PLEKHA3: variants seen among roughly 807,000 people sequenced by gnomAD.
The protein encoded by PLEKHA3 is pleckstrin homology domain containing A3, also known as pleckstrin homology domain-containing family A member 3.
In PLEKHA3, 19 loss-of-function variants were observed where a neutral mutation model predicts 39.2. The ratio of observed to expected loss-of-function variants is 0.48; its 90% CI spans 0.34 to 0.71. The LOEUF is 0.71. PLEKHA3 is among the 30% of genes least tolerant of loss of function. The probability of loss-of-function intolerance (pLI) is 0.01; values close to 1 mark genes in which losing one functional copy is unlikely to be tolerated. For missense variants in PLEKHA3, 253 were observed against 359.5 expected (o/e 0.70, Z 2.40); for synonymous variants, 97 against 118.6 (o/e 0.82, Z 1.18).
intron 1 of PLEKHA3, chr2:178,481,846 G>GC (rs1685170201): frequency 6.9e-6 from 1 of 144,916 alleles, no homozygotes; most frequent in Non-Finnish European, 1.5e-5. Flanking sequence ...ATTTTTTGGG[G>GC]GGGGGGGGTC....
chr2:178,496,260 T>C (rs1685444993), intron 5 of PLEKHA3, among the ~76,000 whole-genome samples: 1 of 152,212 alleles, frequency 6.6e-6, no homozygotes, highest in Admixed American at 6.5e-5. Flanking sequence ...ACAAGTCCTC[T>C]TTTTGCCAGG....
chr2:178,493,117 A>T (rs1575144427), intron 3 of PLEKHA3, among the ~76,000 whole-genome samples: 1 of 152,206 alleles, frequency 6.6e-6, no homozygotes, highest in East Asian at 1.9e-4. Context: ...AATTTACTCT[A>T]TGAATTTTCC....
At position 178,480,637 on chromosome 2, in the gene PLEKHA3, G is replaced by A. The variant is rs889576159; in HGVS notation, c.-233G>A. ...CGTTGTCGCGGCCGCCGCCGCCGAG[G>A]CTTACCCGGGAATGTCTGGGCCCGC... is the stretch of plus-strand genomic sequence containing the variant. On this transcript the variant is annotated 5_prime_UTR_variant, in exon 1 of 8. Coordinates refer to ENST00000234453, the MANE Select transcript of PLEKHA3 (RefSeq NM_019091.4). The A allele has an allele frequency of 3.0e-6, 1 of 329,752 alleles. No homozygotes were observed. Among genetic ancestry groups the A allele is most frequent in the Non-Finnish European group, 5.4e-6 (1 of 183,682 alleles). The allele number at this position is 329,752 out of a possible 1,614,324, so 20.4% of individuals were successfully genotyped here.
intron 2 of PLEKHA3, 116 bp from the exon 3 acceptor site, chr2:178,490,543 A>G (rs2154127699): frequency 9.4e-7 from 1 of 1,063,358 alleles, no homozygotes; most frequent in Non-Finnish European, 1.3e-6. Flanking sequence ...ATCATGAATG[A>G]TAGTTCAATG....
At chr2:178,491,113 C>T (rs540085110) in intron 3 of PLEKHA3, among the ~76,000 whole-genome samples, 5 of 150,542 alleles carry the variant, frequency 3.3e-5, no homozygotes, top group East Asian at 4.0e-4. Flanking sequence ...TGGGTTCAAG[C>T]GATTCTCCAG....
At chr2:178,484,398 G>A (rs574341232) in intron 1 of PLEKHA3, among the ~76,000 whole-genome samples, 70 of 152,262 alleles carry the variant, frequency 4.6e-4, no homozygotes, top group Non-Finnish European at 8.1e-4. Context: ...TGCATTCCCT[G>A]CCTTCCTAAA....
chr2:178,492,739 C>T (rs183154185), intron 3 of PLEKHA3, among the ~76,000 whole-genome samples: 7 of 151,920 alleles, frequency 4.6e-5, no homozygotes, highest in Non-Finnish European at 8.8e-5. Flanking sequence ...TGTTGGTTTC[C>T]AGGGCCCAGG....
At chr2:178,495,699 A>G in intron 5 of PLEKHA3, 39 bp downstream of exon 5, 6 of 1,556,230 alleles carry the variant, frequency 3.9e-6, no homozygotes, top group Non-Finnish European at 5.2e-6. Context: ...CTCAGTAGTA[A>G]TGTTGCATGT....
In PLEKHA3 at chr2:178,512,797, G is replaced by C. The variant is rs1483153852; in HGVS notation, c.*8910G>C. 6.5e-6 allele frequency: 1 copy of C among 153,758 alleles called. No homozygotes were observed. The highest frequency in any genetic ancestry group is 1.9e-4 in the East Asian group (1 of 5,198). The allele number at this position is 153,758 out of a possible 1,614,324, so 9.5% of individuals were successfully genotyped here. On this transcript the variant is annotated 3_prime_UTR_variant, in exon 8 of 8. Transcript: ENST00000234453. Reference sequence around the variant, plus strand: ...CTGGACTTAAAATTCTGAGAGAACAGGGTATTTCCCACCCTTCCTCTTACT... The same window carrying C: ...CTGGACTTAAAATTCTGAGAGAACACGGTATTTCCCACCCTTCCTCTTACT...
chr2:178,481,391 A>C (rs1029059751), intron 1 of PLEKHA3, among the ~76,000 whole-genome samples: 3 of 152,294 alleles, frequency 2.0e-5, no homozygotes, highest in East Asian at 1.9e-4. Context: ...AGGTTGTTCA[A>C]GCTTAGCGAG....
chr2:178,493,572 A>G (rs1467511294), intron 3 of PLEKHA3, among the ~76,000 whole-genome samples: 1 of 152,254 alleles, frequency 6.6e-6, no homozygotes, highest in African/African-American at 2.4e-5. Flanking sequence ...TTTAAATGGA[A>G]GATGAGTAAT....
At position 178,511,923 on chromosome 2, in the gene PLEKHA3, G is replaced by A. The variant is rs1227322893; in HGVS notation, c.*8036G>A. 6.6e-6 allele frequency: 1 copy of A among 152,176 alleles called. No homozygotes were observed. Among genetic ancestry groups the A allele is most frequent in the Non-Finnish European group, 1.5e-5 (1 of 68,046 alleles). 9.4% of individuals were successfully genotyped at this position (152,176 alleles called of 1,614,324 possible). A position where few individuals can be genotyped will look rare whatever the true frequency, so the allele number is the denominator to read the frequency against. On this transcript the variant is annotated 3_prime_UTR_variant, in exon 8 of 8. Coordinates refer to ENST00000234453, the MANE Select transcript of PLEKHA3 (RefSeq NM_019091.4). ...ATTTGCCCTTTCTGTCCCATAATAT[G>A]TTCCTCTTCCCCAAAAAGTTTTTTG...
intron 7 of PLEKHA3, 39 bp from the exon 8 acceptor site, chr2:178,503,721 T>C (rs368907596): frequency 7.1e-5 from 114 of 1,601,408 alleles, no homozygotes; most frequent in Non-Finnish European, 9.4e-5. Flanking sequence ...GGAGTTAATA[T>C]TGACAGGATG....
At position 178,504,155 on chromosome 2, in the gene PLEKHA3, A is replaced by T. The variant is rs536512642; in HGVS notation, c.*268A>T. On this transcript the variant is annotated 3_prime_UTR_variant, in exon 8 of 8. Transcript: ENST00000234453. ...ATGATGGTGTAACATTTTGACATCC[A>T]TAAGGACAAATGTAGATATTTTTCT... 1.1e-5 allele frequency: 3 copies of T among 261,976 alleles called. No homozygotes were observed. In the South Asian group the frequency reaches 1.9e-4, roughly 17 times the overall value. 16.2% of individuals were successfully genotyped at this position (261,976 alleles called of 1,614,324 possible). A position where few individuals can be genotyped will look rare whatever the true frequency, so the allele number is the denominator to read the frequency against.
intron 5 of PLEKHA3, among the ~76,000 whole-genome samples, chr2:178,498,372 A>C (rs945065671): frequency 6.6e-6 from 1 of 152,226 alleles, no homozygotes; most frequent in African/African-American, 2.4e-5. Flanking sequence ...CTAGTGGCTC[A>C]TGTTCCAAAT....
At chr2:178,487,506 A>G (rs1455318761) in intron 2 of PLEKHA3, among the ~76,000 whole-genome samples, 1 of 151,400 alleles carries the variant, frequency 6.6e-6, no homozygotes, top group African/African-American at 2.4e-5. Context: ...TGGTGTGATC[A>G]TGGCTCACTG....
chr2:178,495,433 A>G, intron 4 of PLEKHA3, 63 bp from the exon 5 acceptor site: 1 of 1,436,330 alleles, frequency 7.0e-7, no homozygotes, highest in Non-Finnish European at 9.7e-7. Context: ...TTTAATGATA[A>G]GGTTGTATAT....
chr2:178,497,081 C>T (rs1685461116), intron 5 of PLEKHA3, among the ~76,000 whole-genome samples: 1 of 151,914 alleles, frequency 6.6e-6, no homozygotes, highest in Admixed American at 6.6e-5. Context: ...CCACCATGCC[C>T]AGCCGTCACA....
chr2:178,484,894 A>G (rs1341028169), intron 1 of PLEKHA3, among the ~76,000 whole-genome samples: 2 of 152,248 alleles, frequency 1.3e-5, no homozygotes, highest in Non-Finnish European at 2.9e-5. Flanking sequence ...AGCTCTAGTC[A>G]CTGAATAAAT....
Sources: allele counts gnomAD v4.1 joint callset (sites outside exome capture counted in the v4.1 genomes callset), GRCh38; gene constraint gnomAD v4.1.1; transcripts MANE v1.5; gene names NCBI Gene and HGNC (gene_info 2026-07-23, HGNC 2026-07-21).